The following PRUNE2 variants were observed in gnomAD, a reference collection of about 807,000 sequenced individuals.
PRUNE2 encodes prune homolog 2 with BCH domain.
A neutral mutation model predicts 252.0 loss-of-function variants in PRUNE2; 164 were observed. That is an observed-to-expected ratio of 0.65 (90% CI 0.57 to 0.74). The LOEUF is 0.74. Among genes scored for constraint, PRUNE2 ranks in the 30% least tolerant of loss-of-function variants. PRUNE2 has a pLI of 0.00. For missense variants in PRUNE2, 3,495 were observed against 3,711.0 expected (o/e 0.94, Z 1.51); for synonymous variants, 1,292 against 1,350.2 (o/e 0.96, Z 0.94).
At chr9:76,695,965 C>T (rs1208986996) in intron 9 of PRUNE2, among the ~76,000 whole-genome samples, 1 of 152,118 alleles carries the variant, frequency 6.6e-6, no homozygotes, top group Admixed American at 6.5e-5. Context: ...GAGTTCTCGA[C>T]ACTGGCAGTG....
rs756648285 is a variant in PRUNE2 at position 76,774,457 on chromosome 9, T to TATTTATTTATTTATTTATTTATTTATTTA, written c.756+49174_756+49175insTAAATAAATAAATAAATAAATAAATAAAT. Among the ~76,000 whole-genome samples the TATTTATTTATTTATTTATTTATTTATTTA allele has an allele frequency of 9.5e-5, 7 of 73,572 alleles. No homozygotes were observed. The South Asian group carries it at 1.8e-3, about 18-fold the overall frequency. The allele number at this position is 73,572 out of a possible 152,430, so 48.3% of individuals were successfully genotyped here. A position where few individuals can be genotyped will look rare whatever the true frequency, so the allele number is the denominator to read the frequency against. ...CTGGCCTCCAGTTCAACCCTTTTTT[T>TATTTATTTATTTATTTATTTATTTATTTA]TTTTTTTTTTTTTTTTTTTTGAGAT... is the stretch of plus-strand genomic sequence containing the variant. On this transcript the variant is annotated intron_variant, in intron 6 of 18. Coordinates refer to ENST00000376718, the MANE Select transcript of PRUNE2 (RefSeq NM_015225.3).
intron 6 of PRUNE2, among the ~76,000 whole-genome samples, chr9:76,751,444 G>A (rs1413601195): frequency 6.6e-6 from 1 of 152,136 alleles, no homozygotes; most frequent in Non-Finnish European, 1.5e-5. Context: ...TACTTGCTAT[G>A]AACAAAAACA....
chr9:76,645,136 T>C, intron 11 of PRUNE2: 1 of 449,688 alleles, frequency 2.2e-6, no homozygotes, highest in Non-Finnish European at 4.0e-6. Flanking sequence ...TTTTATTAAC[T>C]GAACAACCAC....
chr9:76,718,994 A>T (rs1588819287), intron 6 of PRUNE2, among the ~76,000 whole-genome samples: 1 of 152,104 alleles, frequency 6.6e-6, no homozygotes, highest in Non-Finnish European at 1.5e-5. Flanking sequence ...CGTCTCTAAT[A>T]TCTCTTCATC....
intron 6 of PRUNE2, among the ~76,000 whole-genome samples, chr9:76,794,641 G>A (rs1265062279): frequency 8.1e-5 from 12 of 148,480 alleles, no homozygotes; most frequent in African/African-American, 2.2e-4. Flanking sequence ...GAAAAGAAAA[G>A]AAAGAAAGAA....
intron 6 of PRUNE2, among the ~76,000 whole-genome samples, chr9:76,790,799 G>T (rs1412032804): frequency 6.6e-6 from 1 of 152,070 alleles, no homozygotes; most frequent in Admixed American, 6.5e-5. Flanking sequence ...TTTTATTCTT[G>T]AATTAATTCC....
At chr9:76,649,597 A>AGATTAAGTTAGATAGAT (rs1846400528) in intron 11 of PRUNE2, among the ~76,000 whole-genome samples, 1 of 124,884 alleles carries the variant, frequency 8.0e-6, no homozygotes, top group African/African-American at 3.4e-5. Flanking sequence ...AAGTATAGAT[A>AGATTAAGTTAGATAGAT]GATAGATAGA....
chr9:76,905,892 C>G (rs779945844), intron 1 of PRUNE2, 36 bp downstream of exon 1: 1 of 1,613,970 alleles, frequency 6.2e-7, no homozygotes, highest in South Asian at 1.1e-5. Flanking sequence ...AGCATACGCG[C>G]GCGCGCACAC....
intron 9 of PRUNE2, among the ~76,000 whole-genome samples, chr9:76,664,765 G>A (rs188619597): frequency 1.2e-3 from 186 of 152,176 alleles, no homozygotes; most frequent in African/African-American, 4.2e-3. Context: ...CTCCCACTTC[G>A]GCCTCCCAAA....
chr9:76,828,948 C>T (rs1266848608), intron 4 of PRUNE2, among the ~76,000 whole-genome samples: 2 of 137,352 alleles, frequency 1.5e-5, no homozygotes, highest in South Asian at 2.3e-4. Context: ...ATCTGGGAGG[C>T]GGAGGTTGCA....
chr9:76,744,868 C>G (rs2049967066), intron 6 of PRUNE2, among the ~76,000 whole-genome samples: 1 of 152,172 alleles, frequency 6.6e-6, no homozygotes, highest in South Asian at 2.1e-4. Flanking sequence ...CCAAAGGATG[C>G]TGAACACCAC....
chr9:76,749,159 A>G (rs1225728071), intron 6 of PRUNE2, among the ~76,000 whole-genome samples: 1 of 152,244 alleles, frequency 6.6e-6, no homozygotes, highest in African/African-American at 2.4e-5. Flanking sequence ...TTACACTGTA[A>G]CATATACCAC....
intron 6 of PRUNE2, among the ~76,000 whole-genome samples, chr9:76,782,453 C>G (rs372708079): frequency 2.6e-5 from 4 of 152,198 alleles, no homozygotes; most frequent in Admixed American, 6.5e-5. Flanking sequence ...GAAAGTTATT[C>G]TCTCTGTGCC....
At chr9:76,836,702 A>G (rs1294380921) in intron 4 of PRUNE2, among the ~76,000 whole-genome samples, 1 of 152,184 alleles carries the variant, frequency 6.6e-6, no homozygotes, top group East Asian at 1.9e-4. Flanking sequence ...TGTAAGAAGT[A>G]TTAATTTTGA....
chr9:76,893,024 C>T (rs2062581339), intron 1 of PRUNE2, among the ~76,000 whole-genome samples: 1 of 152,112 alleles, frequency 6.6e-6, no homozygotes. Flanking sequence ...TGACAAAGAA[C>T]ATGACAAAAG....
chr9:76,734,489 G>C (rs2048903536), intron 6 of PRUNE2, among the ~76,000 whole-genome samples: 3 of 152,242 alleles, frequency 2.0e-5, no homozygotes, highest in South Asian at 4.1e-4. Context: ...TAACCTCGAA[G>C]CCTTGGTTTC....
chr9:76,629,058 G>T, intron 16 of PRUNE2, 134 bp downstream of exon 16: 1 of 564,008 alleles, frequency 1.8e-6, no homozygotes, highest in Non-Finnish European at 3.1e-6. Flanking sequence ...TGTCCAGGCT[G>T]ATTGCAAACT....
At chr9:76,725,353 A>G (rs2048020952) in intron 6 of PRUNE2, among the ~76,000 whole-genome samples, 2 of 152,156 alleles carry the variant, frequency 1.3e-5, no homozygotes, top group African/African-American at 4.8e-5. Context: ...GGCTCTTGTC[A>G]GAGGTGCTTC....
chr9:76,713,832 TA>T (rs779268408), intron 6 of PRUNE2, 111 bp from the exon 7 acceptor site: 6 of 678,338 alleles, frequency 8.8e-6, no homozygotes, highest in Non-Finnish European at 1.2e-5. Flanking sequence ...ATTTATTATT[TA>T]AGGCAAGTGA....
Sources: gnomAD v4.1 joint callset for allele counts (sites outside exome capture counted in the v4.1 genomes callset) on GRCh38, gnomAD v4.1.1 for gene constraint, MANE v1.5 for transcripts, NCBI Gene and HGNC (gene_info 2026-07-23, HGNC 2026-07-21) for gene names.